Variants in SPIN2A observed in about 807,000 individuals in gnomAD.
The protein encoded by SPIN2A is spindlin-2A.
In SPIN2A, 4 loss-of-function variants were observed where a neutral mutation model predicts 9.2. The ratio of observed to expected loss-of-function variants is 0.44; its 90% CI spans 0.21 to 1.00. The LOEUF is 1.00. Among genes scored for constraint, SPIN2A ranks in the 50% least tolerant of loss-of-function variants. The pLI is 0.26. For synonymous variants in SPIN2A, 25 were observed against 61.2 expected (o/e 0.41, Z 2.76); for missense variants, 77 against 172.8 (o/e 0.45, Z 3.11).
At chrX:57,144,460 C>T in the SPIN2A span, among the ~76,000 whole-genome samples, 165 of 106,810 alleles carry the variant, frequency 1.5e-3, no homozygotes, top group Middle Eastern at 4.7e-3. Context: ...TTTTTTTTCC[C>T]CTACTTGAGG....
chrX:57,139,662 G>A (rs1052938866), upstream of SPIN2A, among the ~76,000 whole-genome samples: 1 of 111,312 alleles, frequency 9.0e-6, no homozygotes, highest in Admixed American at 9.6e-5. Context: ...CAGCATGTTA[G>A]CCAGGATGGT....
chrX:57,135,971 T>C lies in SPIN2A; in HGVS notation c.627A>G (p.Leu209=). 3 of 1,209,592 alleles carry C rather than the reference T, an allele frequency of 2.5e-6. No homozygotes were observed. Among genetic ancestry groups the C allele is most frequent in the Non-Finnish European group, 3.4e-6 (3 of 894,742 alleles). ...EREPGGVVDG[L]IGKHVEYTKE... ...TGGTATATTCCACATGCTTACCTAT[T>C]AGGCCATCTACAACTCCTCCTGGCT... The change falls in exon 2 of 2, where the codon CTA becomes CTG. Residue 209 remains leucine, a synonymous_variant. Coordinates refer to ENST00000374906, the MANE Select transcript of SPIN2A (RefSeq NM_019003.5).
chrX:57,144,906 A>G, the SPIN2A span, among the ~76,000 whole-genome samples: 1 of 92,434 alleles, frequency 1.1e-5, no homozygotes, highest in African/African-American at 5.0e-5. Context: ...ATATGTATGT[A>G]TATGTATGTG....
chrX:57,144,933 C>CACAG, the SPIN2A span, among the ~76,000 whole-genome samples: 3 of 110,924 alleles, frequency 2.7e-5, no homozygotes, highest in African/African-American at 9.8e-5. Flanking sequence ...TACACACACA[C>CACAG]ACACACACAC....
upstream of SPIN2A, among the ~76,000 whole-genome samples, chrX:57,138,879 C>T (rs964746905): frequency 1.8e-5 from 2 of 112,050 alleles, no homozygotes; most frequent in African/African-American, 3.2e-5. Flanking sequence ...AATGTCTACT[C>T]AGCTCTTTTG....
chrX:57,138,591 C>G (rs1927908514), upstream of SPIN2A, among the ~76,000 whole-genome samples: 1 of 111,120 alleles, frequency 9.0e-6, no homozygotes, highest in Admixed American at 9.6e-5. Context: ...AGTGAGATTG[C>G]TGGATCTTAG....
chrX:57,144,923 T>TGCAC, the SPIN2A span, among the ~76,000 whole-genome samples: 9 of 105,439 alleles, frequency 8.5e-5, no homozygotes, highest in East Asian at 3.0e-4. Context: ...TGTGTGTGCA[T>TGCAC]ACACACACAC....
At chrX:57,137,491 CCTGATGCAGTGGCTGTAGTCT>C (rs1927861999), upstream of SPIN2A, 1 of 237,604 alleles carries the variant, frequency 4.2e-6, no homozygotes, top group Non-Finnish European at 6.0e-6. Context: ...GCCACCAGTC[CCTGATGCAGTGGCTGTAGTCT>C]CTGCCCTTTT....
the SPIN2A span, among the ~76,000 whole-genome samples, chrX:57,144,449 T>G: frequency 2.0e-4 from 22 of 108,751 alleles, no homozygotes; most frequent in East Asian, 5.7e-4. Flanking sequence ...ACTCTGTGGG[T>G]TTTTTTTTCC....
chrX:57,137,179 A>G (rs967669093), intron 1 of SPIN2A, 81 bp downstream of exon 1: 1 of 751,409 alleles, frequency 1.3e-6, no homozygotes, highest in African/African-American at 2.5e-5. Flanking sequence ...CCCCCTCTCC[A>G]TTCTGGCGCC....
chrX:57,138,653 G>C (rs1302201891), upstream of SPIN2A, among the ~76,000 whole-genome samples: 2 of 110,993 alleles, frequency 1.8e-5, no homozygotes, highest in East Asian at 5.6e-4. Flanking sequence ...TTTTCATAAT[G>C]GCTATGCTAA....
intron 1 of SPIN2A, chrX:57,137,056 C>G (rs1419789345): frequency 1.2e-6 from 1 of 813,819 alleles, no homozygotes. Context: ...ACCTTCAAAT[C>G]CTTGTCTGGC....
chrX:57,146,778 C>T, the SPIN2A span, among the ~76,000 whole-genome samples: 1 of 111,751 alleles, frequency 8.9e-6, no homozygotes, highest in Non-Finnish European at 1.9e-5. Context: ...TCATAAAGTG[C>T]TGCTGGCTTT....
At chrX:57,134,792 G>A (rs1927631904), downstream of SPIN2A, 1 of 111,735 alleles carries the variant, frequency 8.9e-6, no homozygotes, top group Non-Finnish European at 1.9e-5. Flanking sequence ...CACATGTGGG[G>A]CACCATGTTA....
At chrX:57,138,932 G>T (rs1178202374), upstream of SPIN2A, among the ~76,000 whole-genome samples, 1 of 112,018 alleles carries the variant, frequency 8.9e-6, no homozygotes, top group Non-Finnish European at 1.9e-5. Context: ...CTATTGAGTT[G>T]TTGGAATTTC....
upstream of SPIN2A, among the ~76,000 whole-genome samples, chrX:57,139,783 G>A (rs1426632509): frequency 9.0e-6 from 1 of 111,692 alleles, no homozygotes; most frequent in African/African-American, 3.3e-5. Context: ...TTTGAAGTCA[G>A]GTAATTTGAT....
chrX:57,147,171 C>T, the SPIN2A span, among the ~76,000 whole-genome samples: 1 of 111,779 alleles, frequency 8.9e-6, no homozygotes, highest in East Asian at 2.8e-4. Context: ...TAGAATTCAG[C>T]TGTGAATTTG....
upstream of SPIN2A, among the ~76,000 whole-genome samples, chrX:57,141,613 A>G (rs2146922861): frequency 9.0e-6 from 1 of 111,234 alleles, no homozygotes; most frequent in East Asian, 2.8e-4. Context: ...CTCATTACCT[A>G]TTATTGGTCC....
At chrX:57,144,226 G>A in the SPIN2A span, among the ~76,000 whole-genome samples, 2 of 110,883 alleles carry the variant, frequency 1.8e-5, no homozygotes, top group Non-Finnish European at 3.8e-5. Context: ...TTCTTTTGCC[G>A]ACTTTAGGAT....
Sources: allele counts gnomAD v4.1 joint callset (sites outside exome capture counted in the v4.1 genomes callset), GRCh38; gene constraint gnomAD v4.1.1; transcripts MANE v1.5; gene names NCBI Gene and HGNC (gene_info 2026-07-23, HGNC 2026-07-21).